The following EBF3 variants were observed in gnomAD, a reference collection of about 807,000 sequenced individuals.
The protein encoded by EBF3 is transcription factor COE3.
EBF3 carries 18 observed loss-of-function variants against 77.1 expected under a neutral mutation model. The observed-to-expected ratio is 0.23, with a 90% confidence interval of 0.16 to 0.35. The LOEUF is 0.35. Among genes scored for constraint, EBF3 ranks in the 10% least tolerant of loss-of-function variants. EBF3 has a pLI of 1.00. For missense variants in EBF3, 558 were observed against 860.0 expected, an observed-to-expected ratio of 0.65 and a Z score of 4.39; for synonymous variants, 350 against 343.5, an observed-to-expected ratio of 1.02 and a Z score of -0.21.
intron 6 of EBF3, among the ~76,000 whole-genome samples, chr10:129,917,651 CA>C (rs71481019): frequency 8.8e-3 from 208 of 23,576 alleles, no homozygotes; most frequent in African/African-American, 0.027. Context: ...GACCCTGCCT[CA>C]AAAAAAAAAA....
intron 5 of EBF3, 60 bp from the exon 6 acceptor site, chr10:129,957,386 GTA>G: frequency 8.4e-7 from 1 of 1,196,382 alleles, no homozygotes; most frequent in Non-Finnish European, 1.1e-6. Context: ...TGCCCGACTT[GTA>G]TTTTTTTTTT....
chr10:129,857,587 A>G (rs1851341265), intron 10 of EBF3, among the ~76,000 whole-genome samples: 1 of 152,094 alleles, frequency 6.6e-6, no homozygotes, highest in Non-Finnish European at 1.5e-5. Context: ...CATTTTGACT[A>G]TTTTATTAAC....
intron 6 of EBF3, among the ~76,000 whole-genome samples, chr10:129,954,756 G>A (rs992059210): frequency 2.0e-5 from 3 of 152,160 alleles, no homozygotes; most frequent in Non-Finnish European, 2.9e-5. Context: ...GGCAAAGCAC[G>A]TTGTATATAA....
chr10:129,836,387 C>A lies in EBF3; in HGVS notation c.*1556G>T, dbSNP rs535405766. ...GGCATCTAAAATGACTTTTTACATTCTACAAAAAAATAAAATAAAATAAGG... is the reference window on the plus strand; with the variant it reads ...GGCATCTAAAATGACTTTTTACATTATACAAAAAAATAAAATAAAATAAGG... On this transcript the variant is annotated 3_prime_UTR_variant, in exon 17 of 17. Transcript: ENST00000440978. 31 of 152,202 alleles carry A rather than the reference C, an allele frequency of 2.0e-4. No individual in the cohort carries two copies. The highest frequency in any genetic ancestry group is 7.5e-4 in the African/African-American group (31 of 41,474). The allele number at this position is 152,202 out of a possible 1,614,324, so 9.4% of individuals were successfully genotyped here.
chr10:129,902,217 G>A (rs1186460709), intron 6 of EBF3, among the ~76,000 whole-genome samples: 3 of 146,662 alleles, frequency 2.0e-5, no homozygotes, highest in Non-Finnish European at 4.5e-5. Context: ...GGAAACACAA[G>A]GAACTTCCAG....
At chr10:129,843,300 C>T (rs1850222537) in intron 11 of EBF3, 98 bp from the exon 12 acceptor site, 6 of 1,323,656 alleles carry the variant, frequency 4.5e-6, no homozygotes, top group Non-Finnish European at 6.4e-6. Flanking sequence ...GAGACCAGTC[C>T]CCACCCACAG....
At chr10:129,946,212 C>A (rs1007128410) in intron 6 of EBF3, among the ~76,000 whole-genome samples, 1 of 152,354 alleles carries the variant, frequency 6.6e-6, no homozygotes, top group South Asian at 2.1e-4. Flanking sequence ...CCCGCCCTGG[C>A]GACTGGTCAA....
chr10:129,914,495 A>T (rs1855739438), intron 6 of EBF3, among the ~76,000 whole-genome samples: 1 of 152,104 alleles, frequency 6.6e-6, no homozygotes, highest in Admixed American at 6.5e-5. Context: ...CAGCAGTGAG[A>T]ATGGCAGGAG....
In EBF3 at chr10:129,897,143, G is replaced by C. The variant is rs759290692; in HGVS notation, c.555-19294C>G. 4.6e-5 allele frequency among the ~76,000 whole-genome samples: 7 copies of C among 152,168 alleles called. No homozygotes were observed. Among genetic ancestry groups the C allele is most frequent in the Non-Finnish European group, 8.8e-5 (6 of 68,040 alleles). On this transcript the variant is annotated intron_variant, in intron 6 of 16. Transcript: ENST00000440978. The surrounding 1 kb of genome is among the most constrained non-coding windows in gnomAD (Gnocchi z 4.6). ...AGGAAGACAAAGCCGGTCTCCTTTC[G>C]GGGTCCTGGGATGAGCACTGTGGTC...
chr10:129,958,534 T>C (rs1373661960), intron 5 of EBF3, among the ~76,000 whole-genome samples: 1 of 152,178 alleles, frequency 6.6e-6, no homozygotes, highest in African/African-American at 2.4e-5. Flanking sequence ...CTATAGTAAG[T>C]ACAAAAGAGT....
chr10:129,926,866 C>G (rs1260941056), intron 6 of EBF3, among the ~76,000 whole-genome samples: 1 of 152,156 alleles, frequency 6.6e-6, no homozygotes, highest in Non-Finnish European at 1.5e-5. Context: ...GTGGAGGCTT[C>G]AGGTGTGCTC....
chr10:129,950,674 T>C (rs1858611054), intron 6 of EBF3, among the ~76,000 whole-genome samples: 1 of 152,212 alleles, frequency 6.6e-6, no homozygotes, highest in Non-Finnish European at 1.5e-5. Context: ...ATGAAATTAC[T>C]GCACTAATTT....
At chr10:129,862,853 G>A (rs555073375) in intron 10 of EBF3, among the ~76,000 whole-genome samples, 7 of 152,142 alleles carry the variant, frequency 4.6e-5, no homozygotes, top group African/African-American at 9.6e-5. Context: ...CATTTGATGC[G>A]TTTCTACGGG....
chr10:129,962,425 T>C (rs1422233353), intron 3 of EBF3, among the ~76,000 whole-genome samples, 199 bp from the exon 4 acceptor site: 1 of 152,066 alleles, frequency 6.6e-6, no homozygotes, highest in Non-Finnish European at 1.5e-5. Context: ...CTAAGAACCT[T>C]AAGGCTCTTA....
chr10:129,848,555 C>A lies in EBF3; in HGVS notation c.1040-75G>T. The A allele has an allele frequency of 1.4e-6, 2 of 1,457,450 alleles. No individual in the cohort carries two copies. The highest frequency in any genetic ancestry group is 1.7e-5 in the Admixed American group (1 of 59,788). 90.3% of individuals were successfully genotyped at this position (1,457,450 alleles called of 1,614,324 possible). On this transcript the variant is annotated intron_variant, in intron 10 of 16. Coordinates refer to ENST00000440978, the MANE Select transcript of EBF3 (RefSeq NM_001375380.1). This position sits in a 1 kb window ranked among gnomAD's most constrained non-coding sequence, Gnocchi z 4.4. ...CCATTACTCGTTTATTGCACACTTA[C>A]AAATAAATGTGTAGTTCTCCTGCTC...
rs1213586794 is a variant in EBF3, at chr10:129,861,248, A to T, written c.1039+5893T>A. Among the ~76,000 whole-genome samples, 4 of 152,174 alleles carry T rather than the reference A, an allele frequency of 2.6e-5. No individual in the cohort carries two copies. The highest frequency in any genetic ancestry group is 5.9e-5 in the Non-Finnish European group (4 of 68,024). ...GCCTAAGGGGCCCTGAGGACCCTTG[A>T]AATGACCCCAGTGATGGCAGTGGGC... On this transcript the variant is annotated intron_variant, in intron 10 of 16. Transcript: ENST00000440978. The surrounding 1 kb of genome is among the most constrained non-coding windows in gnomAD (Gnocchi z 4.3).
chr10:129,848,105 A>G lies in EBF3; in HGVS notation c.1128+287T>C, dbSNP rs1850602113. The stretch of plus-strand genomic sequence containing the variant: ...AGTTTATGTCCCCCTCACAGAATCC[A>G]AAATATTTGTTATCAGAAAAGCTGT... On this transcript the variant is annotated intron_variant, in intron 11 of 16. Transcript: ENST00000440978. This position sits in a 1 kb window ranked among gnomAD's most constrained non-coding sequence, Gnocchi z 4.4. Among the ~76,000 whole-genome samples, 1 of 152,226 alleles carries G rather than the reference A, an allele frequency of 6.6e-6. No homozygotes were observed. Among genetic ancestry groups the G allele is most frequent in the African/African-American group, 2.4e-5 (1 of 41,458 alleles).
intron 6 of EBF3, among the ~76,000 whole-genome samples, chr10:129,917,607 T>C (rs1855966994): frequency 8.4e-6 from 1 of 119,258 alleles, no homozygotes; most frequent in Non-Finnish European, 1.6e-5. Context: ...TGCCTCTGAA[T>C]GGCCACTGCA....
intron 4 of EBF3, among the ~76,000 whole-genome samples, chr10:129,960,486 G>A (rs1859419418): frequency 6.6e-6 from 1 of 152,228 alleles, no homozygotes; most frequent in Non-Finnish European, 1.5e-5. Flanking sequence ...GGGCACCAGC[G>A]CTTCTGAGAG....
Sources: gnomAD v4.1 joint callset for allele counts (sites outside exome capture counted in the v4.1 genomes callset) on GRCh38, gnomAD v4.1.1 for gene constraint, Gnocchi (gnomAD v3.1) non-coding constraint, MANE v1.5 for transcripts, NCBI Gene and HGNC (gene_info 2026-07-23, HGNC 2026-07-21) for gene names.